Variants in HOGA1 observed in about 807,000 individuals in gnomAD.
The protein encoded by HOGA1 is 4-hydroxy-2-oxoglutarate aldolase 1.
In HOGA1, 30 loss-of-function variants were observed where a neutral mutation model predicts 34.3. That is an observed-to-expected ratio of 0.87 (90% CI 0.65 to 1.19). HOGA1 has a LOEUF of 1.19. Among genes scored for constraint, HOGA1 ranks in the 50% most tolerant of loss-of-function variants. HOGA1 has a pLI of 0.00. For synonymous variants in HOGA1, 161 were observed against 174.0 expected (o/e 0.93, Z 0.59); for missense variants, 417 against 436.5 (o/e 0.96, Z 0.40).
chr10:97,585,117 A>G (rs530671049), intron 1 of HOGA1, among the ~76,000 whole-genome samples: 1 of 152,212 alleles, frequency 6.6e-6, no homozygotes, highest in Non-Finnish European at 1.5e-5. Flanking sequence ...TGTAACCTTA[A>G]GCTAAACCTC....
At chr10:97,609,850 C>T (rs1398682020) in intron 6 of HOGA1, among the ~76,000 whole-genome samples, 2 of 152,046 alleles carry the variant, frequency 1.3e-5, no homozygotes, top group South Asian at 2.1e-4. Flanking sequence ...ATGGGGGTGG[C>T]GAGGCCTGCA....
rs377684189 is a variant in HOGA1, at chr10:97,590,044, C to T, written c.211+5130C>T. The T allele has an allele frequency of 3.8e-5, 61 of 1,614,032 alleles. 1 individual carries two copies. Among genetic ancestry groups the T allele is most frequent in the South Asian group, 3.2e-4 (29 of 91,086 alleles). On this transcript the variant is annotated intron_variant, in intron 1 of 6. Transcript: ENST00000370646. ...GCCTTTCCGAAGAGAAGCTGGCCCT[C>T]GACAACAATGCCAGCGCTAGTGGCA...
In HOGA1 at chr10:97,599,790, G is replaced by A. The variant is rs142057128; in HGVS notation, c.579G>A (p.Val193=). The change falls in exon 4 of 7, where the codon GTG becomes GTA. Residue 193 remains valine, a synonymous_variant. Coordinates refer to ENST00000370646, the MANE Select transcript of HOGA1 (RefSeq NM_138413.4). ...CGCTTTCCCAGCACCCGAATATTGT[G>A]GGCATGAAGGACAGCGGTGGTGATG... is the stretch of plus-strand genomic sequence containing the variant. The part of the protein sequence containing the change: ...VVTLSQHPNI[V]GMKDSGGDVT... 2.5e-4 allele frequency: 402 copies of A among 1,614,090 alleles called. No homozygotes were observed. The highest frequency in any genetic ancestry group is 3.3e-4 in the Non-Finnish European group (389 of 1,180,058).
rs565257540 is a variant in HOGA1, at chr10:97,608,261, C to T, written c.835-3249C>T. 2.7e-4 allele frequency among the ~76,000 whole-genome samples: 41 copies of T among 152,138 alleles called. No homozygotes were observed. In the South Asian group the frequency reaches 7.1e-3, roughly 26 times the overall value. On this transcript the variant is annotated intron_variant, in intron 6 of 6. Coordinates refer to ENST00000370646, the MANE Select transcript of HOGA1 (RefSeq NM_138413.4). ...GTGAGGTCGAGGCTGCAGTGAGCTA[C>T]GATCATGCCACTTCACTCCAGCCTG...
chr10:97,599,570 C>T (rs995067473), intron 3 of HOGA1, 110 bp from the exon 4 acceptor site: 2 of 1,389,642 alleles, frequency 1.4e-6, no homozygotes, highest in Admixed American at 1.7e-5. Flanking sequence ...GAGGCCTGTC[C>T]AGGTGGCCCT....
In HOGA1 at chr10:97,590,079, A is replaced by G. The variant is rs771276698; in HGVS notation, c.211+5165A>G. On this transcript the variant is annotated intron_variant, in intron 1 of 6. Coordinates refer to ENST00000370646, the MANE Select transcript of HOGA1 (RefSeq NM_138413.4). The stretch of plus-strand genomic sequence containing the variant: ...GCCAGCGCTAGTGGCAATGCTACCC[A>G]GACTGAGAGTGGGAGTGAAGAGGTC... 5.0e-6 allele frequency: 8 copies of G among 1,614,184 alleles called. No individual in the cohort carries two copies. The Admixed American group carries it at 1.3e-4, about 27-fold the overall frequency.
chr10:97,590,332 G>A (rs751762663), intron 1 of HOGA1: 1 of 1,613,924 alleles, frequency 6.2e-7, no homozygotes, highest in South Asian at 1.1e-5. Flanking sequence ...CTCACTCCAT[G>A]CTGCAGCGGG....
rs556810078 is a variant in HOGA1, at chr10:97,590,134, C to T, written c.211+5220C>T. ...CCACGGTTCACATAGAGACCTTCACCACGAGGCACGGAGAAGTGGGCTCCG... is the reference window on the plus strand; with the variant it reads ...CCACGGTTCACATAGAGACCTTCACTACGAGGCACGGAGAAGTGGGCTCCG... On this transcript the variant is annotated intron_variant, in intron 1 of 6. Transcript: ENST00000370646. 2.8e-4 allele frequency: 449 copies of T among 1,614,120 alleles called. 3 individuals are homozygous for T. The South Asian group carries it at 4.4e-3, about 16-fold the overall frequency.
chr10:97,597,819 A>G (rs979590449), intron 1 of HOGA1, among the ~76,000 whole-genome samples: 3 of 152,154 alleles, frequency 2.0e-5, no homozygotes, highest in African/African-American at 7.2e-5. Context: ...TTAGTTGGGC[A>G]TGGTAGCTCA....
rs2040951630 is a variant in HOGA1 at position 97,584,635 on chromosome 10, G to T, written c.-69G>T. 3.0e-6 allele frequency: 4 copies of T among 1,338,500 alleles called. No individual in the cohort carries two copies. Among genetic ancestry groups the T allele is most frequent in the South Asian group, 1.3e-5 (1 of 75,274 alleles). The allele number at this position is 1,338,500 out of a possible 1,614,324, so 82.9% of individuals were successfully genotyped here. On this transcript the variant is annotated 5_prime_UTR_variant, in exon 1 of 7. Transcript: ENST00000370646. ...TAGAAACATTGATCATTAATAGGGG[G>T]TTAGAAAGAGTTCAAACTAAGTCTC...
In HOGA1 at chr10:97,611,899, G is replaced by T; in HGVS notation, c.*240G>T. The T allele has an allele frequency of 1.8e-6, 1 of 559,810 alleles. No homozygotes were observed. The highest frequency in any genetic ancestry group is 3.1e-5 in the Admixed American group (1 of 32,404). 34.7% of individuals were successfully genotyped at this position (559,810 alleles called of 1,614,324 possible). A position where few individuals can be genotyped will look rare whatever the true frequency, so the allele number is the denominator to read the frequency against. On this transcript the variant is annotated 3_prime_UTR_variant, in exon 7 of 7. Coordinates refer to ENST00000370646, the MANE Select transcript of HOGA1 (RefSeq NM_138413.4). ...AAACTGTGTCTCTGGTCTGAAGACTGGGAAGGAGCAATTTCTCAATTTATC... is the reference window on the plus strand; with the variant it reads ...AAACTGTGTCTCTGGTCTGAAGACTTGGAAGGAGCAATTTCTCAATTTATC...
At chr10:97,601,414 C>T (rs932964436) in intron 5 of HOGA1, among the ~76,000 whole-genome samples, 2 of 152,178 alleles carry the variant, frequency 1.3e-5, no homozygotes, top group Non-Finnish European at 2.9e-5. Context: ...TCCATGCCCA[C>T]TGCTGTCTCT....
chr10:97,595,605 T>A (rs1036148882), intron 1 of HOGA1, among the ~76,000 whole-genome samples: 1 of 152,164 alleles, frequency 6.6e-6, no homozygotes, highest in African/African-American at 2.4e-5. Context: ...TGAGGCAGGA[T>A]AATTGCTTGA....
intron 6 of HOGA1, chr10:97,602,708 CAG>C (rs2041129613): frequency 4.8e-6 from 3 of 619,604 alleles, no homozygotes; most frequent in Non-Finnish European, 6.0e-6. Flanking sequence ...TTTTTTTAGA[CAG>C]AGTCTTGCTC....
intron 1 of HOGA1, among the ~76,000 whole-genome samples, chr10:97,589,178 A>G (rs1352095323): frequency 6.6e-6 from 1 of 151,952 alleles, no homozygotes; most frequent in African/African-American, 2.4e-5. Context: ...TTGTGACCTC[A>G]TGTTAGTTAC....
At position 97,601,863 on chromosome 10, in the gene HOGA1, TG is replaced by T. The variant is rs760930050; in HGVS notation, c.713del (p.Gly238AlafsTer42). The T allele has an allele frequency of 3.7e-6, 6 of 1,612,226 alleles. No homozygotes were observed. The highest frequency in any genetic ancestry group is 5.1e-6 in the Non-Finnish European group (6 of 1,179,978). ...FLMASYALGA[V>X]GGVCALANVL... ...TGCGTCTTACTTCGTGCAGGAGCTG[TG>T]GGGGGCGTCTGCGCCCTGGCCAATG... is the stretch of plus-strand genomic sequence containing the variant. On this transcript the variant is annotated frameshift_variant, in exon 6 of 7. Coordinates refer to ENST00000370646, the MANE Select transcript of HOGA1 (RefSeq NM_138413.4). LOFTEE classifies it high-confidence loss of function.
At chr10:97,590,118 A>G (rs773530578) in intron 1 of HOGA1, 7 of 1,614,176 alleles carry the variant, frequency 4.3e-6, no homozygotes, top group Non-Finnish European at 5.1e-6. Context: ...TCCACGGTTC[A>G]CATAGAGACC....
At chr10:97,602,334 G>A (rs567196023) in intron 6 of HOGA1, 798 of 1,238,064 alleles carry the variant, frequency 6.4e-4, no homozygotes, top group South Asian at 1.7e-3. Flanking sequence ...TGGAGAGAAA[G>A]AGTGTAAACC....
intron 1 of HOGA1, among the ~76,000 whole-genome samples, chr10:97,586,967 C>T (rs1294022691): frequency 2.0e-5 from 3 of 152,328 alleles, no homozygotes; most frequent in African/African-American, 7.2e-5. Context: ...TGCCAGTTAA[C>T]AGAGACCTTG....
Sources: allele counts gnomAD v4.1 joint callset (sites outside exome capture counted in the v4.1 genomes callset), GRCh38; gene constraint gnomAD v4.1.1; transcripts MANE v1.5; gene names NCBI Gene and HGNC (gene_info 2026-07-23, HGNC 2026-07-21).